Variants in COL26A1 observed in about 807,000 individuals in gnomAD.
COL26A1 encodes collagen alpha-1(XXVI) chain.
A neutral mutation model predicts 59.3 loss-of-function variants in COL26A1; 41 were observed. That is an observed-to-expected ratio of 0.69 (90% CI 0.54 to 0.90). The LOEUF is 0.90. COL26A1 is among the 40% of genes least tolerant of loss of function. The pLI is 0.00. For synonymous variants in COL26A1, 266 were observed against 256.0 expected (o/e 1.04, Z -0.37); for missense variants, 612 against 602.3 (o/e 1.02, Z -0.17).
chr7:101,511,485 C>T (rs1271728344), intron 3 of COL26A1, among the ~76,000 whole-genome samples: 1 of 152,192 alleles, frequency 6.6e-6, no homozygotes, highest in Non-Finnish European at 1.5e-5. Context: ...TTCCGTTAAG[C>T]TATCCTAAGA....
chr7:101,425,071 C>T (rs1792611837), intron 2 of COL26A1, among the ~76,000 whole-genome samples: 1 of 151,940 alleles, frequency 6.6e-6, no homozygotes, highest in Non-Finnish European at 1.5e-5. Flanking sequence ...TACAGGCACA[C>T]ACCACCATGC....
chr7:101,492,120 G>A (rs1400156996), intron 3 of COL26A1, among the ~76,000 whole-genome samples: 1 of 152,118 alleles, frequency 6.6e-6, no homozygotes, highest in East Asian at 1.9e-4. Context: ...TGGTAAGCCT[G>A]GATGTTGAAT....
rs183733581 is a variant in COL26A1, at chr7:101,538,423, C to T, written c.448-1470C>T. Among the ~76,000 whole-genome samples, 10 of 152,354 alleles carry T rather than the reference C, an allele frequency of 6.6e-5. No individual in the cohort carries two copies. In the East Asian group the frequency reaches 7.7e-4, roughly 12 times the overall value. On this transcript the variant is annotated intron_variant, in intron 4 of 12. Transcript: ENST00000313669. ...GCACCACTAGGGGCCCCGGCCTCACCGCCCATTTGCTGGGTGATCTCAGGC... is the reference window on the plus strand; with the variant it reads ...GCACCACTAGGGGCCCCGGCCTCACTGCCCATTTGCTGGGTGATCTCAGGC...
At chr7:101,531,292 G>A (rs1010047160) in intron 3 of COL26A1, among the ~76,000 whole-genome samples, 1 of 152,116 alleles carries the variant, frequency 6.6e-6, no homozygotes, top group Non-Finnish European at 1.5e-5. Context: ...TTCTTTATCA[G>A]CCCTTTCCTG....
chr7:101,385,343 A>G (rs1791545302), intron 1 of COL26A1, among the ~76,000 whole-genome samples: 1 of 147,024 alleles, frequency 6.8e-6, no homozygotes, highest in African/African-American at 2.5e-5. Context: ...ATATGTATAT[A>G]TATATATGTG....
At chr7:101,427,219 G>A (rs1002053657) in intron 2 of COL26A1, among the ~76,000 whole-genome samples, 1 of 152,176 alleles carries the variant, frequency 6.6e-6, no homozygotes, top group Non-Finnish European at 1.5e-5. Flanking sequence ...CCATATGCCT[G>A]GCTAATTAAA....
intron 3 of COL26A1, among the ~76,000 whole-genome samples, chr7:101,496,101 CG>C (rs1794579961): frequency 6.6e-6 from 1 of 152,060 alleles, no homozygotes; most frequent in Non-Finnish European, 1.5e-5. Flanking sequence ...ATAAAAAAGG[CG>C]GCTTAGCATG....
At chr7:101,531,222 T>C (rs984558117) in intron 3 of COL26A1, among the ~76,000 whole-genome samples, 17 of 152,174 alleles carry the variant, frequency 1.1e-4, no homozygotes, top group Admixed American at 4.6e-4. Flanking sequence ...CCTCCCGCCT[T>C]GGCCTCCCAA....
intron 3 of COL26A1, among the ~76,000 whole-genome samples, chr7:101,525,789 C>A (rs1795235167): frequency 6.6e-6 from 1 of 152,220 alleles, no homozygotes; most frequent in South Asian, 2.1e-4. Flanking sequence ...AGCCACTGCA[C>A]CTGGCACTTC....
At chr7:101,404,729 C>T (rs551885910) in intron 1 of COL26A1, among the ~76,000 whole-genome samples, 10 of 152,306 alleles carry the variant, frequency 6.6e-5, no homozygotes, top group African/African-American at 2.2e-4. Flanking sequence ...ATCTCCCTGT[C>T]TCTACAAAAA....
At chr7:101,533,284 G>A (rs959528411) in intron 4 of COL26A1, 141 bp downstream of exon 4, 2 of 665,180 alleles carry the variant, frequency 3.0e-6, no homozygotes, top group Admixed American at 2.3e-5. Flanking sequence ...CCGGTCCCAG[G>A]TACTGGGTAC....
At chr7:101,551,237 G>GGTTGGGGGGGGGGC in intron 10 of COL26A1, 94 bp downstream of exon 10, 2 of 386,366 alleles carry the variant, frequency 5.2e-6, no homozygotes, top group Admixed American at 3.5e-5. Context: ...TGGTGGGGGG[G>GGTTGGGGGGGGGGC]TTCAGCCCTG....
At chr7:101,547,381 G>T (rs1281279849) in intron 8 of COL26A1, 142 bp downstream of exon 8, 8 of 533,036 alleles carry the variant, frequency 1.5e-5, no homozygotes, top group Non-Finnish European at 3.4e-6. Flanking sequence ...TGTCCCACCC[G>T]CTGTGTGGCA....
At position 101,557,594 on chromosome 7, in the gene COL26A1, G is replaced by A. The variant is rs1476492509; in HGVS notation, c.*64G>A. ...CCCAGCCCCAGAGGCCTGAGCCGCC[G>A]CTGTTTCCTAAAGATGCCCCCAGGG... On this transcript the variant is annotated 3_prime_UTR_variant, in exon 13 of 13. Coordinates refer to ENST00000313669, the MANE Select transcript of COL26A1 (RefSeq NM_001278563.3). 1.2e-5 allele frequency: 18 copies of A among 1,492,894 alleles called. 1 individual carries two copies. Among genetic ancestry groups the A allele is most frequent in the Admixed American group, 6.1e-5 (3 of 49,146 alleles). The allele number at this position is 1,492,894 out of a possible 1,614,324, so 92.5% of individuals were successfully genotyped here.
At chr7:101,386,262 T>G (rs1365173002) in intron 1 of COL26A1, among the ~76,000 whole-genome samples, 2 of 144,064 alleles carry the variant, frequency 1.4e-5, no homozygotes, top group African/African-American at 2.7e-5. Context: ...AGCTTGTTTT[T>G]TTTTTTTTTT....
chr7:101,538,834 G>A (rs187731085), intron 4 of COL26A1, among the ~76,000 whole-genome samples: 2 of 152,332 alleles, frequency 1.3e-5, no homozygotes, highest in East Asian at 3.9e-4. Context: ...CTGCAGAACT[G>A]GTGAGGGAGC....
intron 3 of COL26A1, among the ~76,000 whole-genome samples, chr7:101,503,331 G>A (rs1412954256): frequency 6.6e-6 from 1 of 152,194 alleles, no homozygotes; most frequent in Non-Finnish European, 1.5e-5. Context: ...ACGTGCAGGA[G>A]TCACCCTGGG....
chr7:101,531,709 G>C (rs971598471), intron 3 of COL26A1, among the ~76,000 whole-genome samples: 1 of 151,994 alleles, frequency 6.6e-6, no homozygotes, highest in Admixed American at 6.5e-5. Context: ...AGGGTCCTGA[G>C]ACTCCCCCCA....
intron 1 of COL26A1, among the ~76,000 whole-genome samples, chr7:101,400,353 ATTTTTTT>A (rs574852983): frequency 7.4e-4 from 72 of 97,238 alleles, no homozygotes; most frequent in South Asian, 6.2e-3. Flanking sequence ...TTTTTTTCCT[ATTTTTTT>A]TTTTTTTTTT....
Sources: allele counts gnomAD v4.1 joint callset (sites outside exome capture counted in the v4.1 genomes callset), GRCh38; gene constraint gnomAD v4.1.1; transcripts MANE v1.5; gene names NCBI Gene and HGNC (gene_info 2026-07-23, HGNC 2026-07-21).